Variants in GNG2 observed in about 807,000 individuals in gnomAD.
The protein encoded by GNG2 is G protein subunit gamma 2, also known as guanine nucleotide-binding protein G(I)/G(S)/G(O) subunit gamma-2.
GNG2 carries 5 observed loss-of-function variants against 5.5 expected under a neutral mutation model. The observed-to-expected ratio is 0.91, with a 90% CI of 0.48 to 1.92. The LOEUF (loss-of-function observed/expected upper bound fraction) is 1.92. GNG2 is among the 30% of genes most tolerant of loss of function. GNG2 has a pLI of 0.01. For missense variants in GNG2, 55 were observed against 88.4 expected (o/e 0.62, Z 1.52); for synonymous variants, 28 against 32.0 (o/e 0.88, Z 0.42).
chr14:51,874,486 C>T (rs1883526820), intron 1 of GNG2, among the ~76,000 whole-genome samples: 1 of 149,252 alleles, frequency 6.7e-6, no homozygotes, highest in Admixed American at 6.7e-5. Context: ...AATCTCAGCA[C>T]TTTAGGAGGT....
At chr14:51,922,888 G>A (rs989118146) in intron 2 of GNG2, among the ~76,000 whole-genome samples, 1 of 152,140 alleles carries the variant, frequency 6.6e-6, no homozygotes, top group Non-Finnish European at 1.5e-5. Flanking sequence ...GCTGCAGGGT[G>A]GGGGCAGAGG....
chr14:51,880,858 A>G (rs1481118632), intron 2 of GNG2, among the ~76,000 whole-genome samples: 1 of 151,258 alleles, frequency 6.6e-6, no homozygotes, highest in Non-Finnish European at 1.5e-5. Flanking sequence ...CCAAATAATG[A>G]CCATATCCCA....
intron 3 of GNG2, 89 bp from the exon 4 acceptor site, chr14:51,966,470 T>G: frequency 8.7e-7 from 1 of 1,143,880 alleles, no homozygotes; most frequent in Non-Finnish European, 1.3e-6. Context: ...GGAGCAAGGA[T>G]TTGATGCCAG....
chr14:51,948,848 G>C (rs368560054), intron 2 of GNG2, among the ~76,000 whole-genome samples: 2 of 152,134 alleles, frequency 1.3e-5, no homozygotes, highest in Non-Finnish European at 1.5e-5. Flanking sequence ...ATGGCCGGGC[G>C]TGGTGGCTCA....
chr14:51,936,213 T>C (rs1887994534), intron 2 of GNG2, among the ~76,000 whole-genome samples: 1 of 152,130 alleles, frequency 6.6e-6, no homozygotes, highest in South Asian at 2.1e-4. Flanking sequence ...GGGATTTCTG[T>C]TTTGGATAGA....
intron 1 of GNG2, among the ~76,000 whole-genome samples, chr14:51,861,541 G>A (rs890976580): frequency 6.6e-6 from 1 of 152,094 alleles, no homozygotes; most frequent in African/African-American, 2.4e-5. Context: ...TGTTAGCCTC[G>A]GTGAGGGACA....
At chr14:51,949,494 C>T (rs932481114) in intron 2 of GNG2, among the ~76,000 whole-genome samples, 2 of 152,124 alleles carry the variant, frequency 1.3e-5, no homozygotes, top group African/African-American at 2.4e-5. Context: ...CTTACTTCAT[C>T]CTTTGGTAAA....
At chr14:51,894,352 C>G (rs1256327659) in intron 2 of GNG2, among the ~76,000 whole-genome samples, 2 of 151,428 alleles carry the variant, frequency 1.3e-5, no homozygotes, top group Non-Finnish European at 3.0e-5. Flanking sequence ...AATAGCTTCT[C>G]TTTTCTTAAT....
At chr14:51,908,816 G>A (rs896185239) in intron 2 of GNG2, among the ~76,000 whole-genome samples, 1 of 143,050 alleles carries the variant, frequency 7.0e-6, no homozygotes, top group Non-Finnish European at 1.5e-5. Flanking sequence ...CTGACCCAGT[G>A]GTCTATCCAT....
At chr14:51,959,833 T>C (rs1318676483) in intron 3 of GNG2, among the ~76,000 whole-genome samples, 2 of 152,138 alleles carry the variant, frequency 1.3e-5, no homozygotes, top group Admixed American at 6.6e-5. Context: ...CTGATCTACT[T>C]TTTTATTTTC....
At chr14:51,966,529 A>G in intron 3 of GNG2, 30 bp from the exon 4 acceptor site, 1 of 1,607,558 alleles carries the variant, frequency 6.2e-7, no homozygotes. Context: ...ACCAGACTCC[A>G]GTGTTGGTTG....
intron 2 of GNG2, among the ~76,000 whole-genome samples, chr14:51,941,795 G>T (rs1266108154): frequency 6.6e-6 from 1 of 152,146 alleles, no homozygotes; most frequent in Non-Finnish European, 1.5e-5. Context: ...CTCCTCTAAT[G>T]GTTATTGTTC....
At chr14:51,865,925 C>A (rs1444645912) in intron 1 of GNG2, among the ~76,000 whole-genome samples, 1 of 141,376 alleles carries the variant, frequency 7.1e-6, no homozygotes, top group East Asian at 2.1e-4. Context: ...TTCAGACAAT[C>A]TCTAGAGGAC....
At chr14:51,858,233 C>T (rs185045087), upstream of GNG2, among the ~76,000 whole-genome samples, 26 of 152,298 alleles carry the variant, frequency 1.7e-4, no homozygotes, top group African/African-American at 5.3e-4. Context: ...GCTATACCCC[C>T]ACACTTTACT....
chr14:51,862,073 C>T (rs947425376), intron 1 of GNG2, among the ~76,000 whole-genome samples: 7 of 152,128 alleles, frequency 4.6e-5, no homozygotes, highest in Non-Finnish European at 1.0e-4. Context: ...CCTTTATCAT[C>T]GTTCTCACTT....
intron 2 of GNG2, among the ~76,000 whole-genome samples, chr14:51,931,606 G>T (rs928515748): frequency 6.6e-6 from 1 of 152,104 alleles, no homozygotes; most frequent in African/African-American, 2.4e-5. Flanking sequence ...TGAGACCTGG[G>T]GATCAGGGAG....
intron 2 of GNG2, among the ~76,000 whole-genome samples, chr14:51,918,768 A>G (rs1006293031): frequency 1.3e-5 from 2 of 152,194 alleles, no homozygotes; most frequent in African/African-American, 4.8e-5. Flanking sequence ...ACAAGGTGTT[A>G]CTGTTTTTGG....
chr14:51,837,837 C>T (rs1016673903), intron 2 of GNG2, among the ~76,000 whole-genome samples: 6 of 151,998 alleles, frequency 3.9e-5, no homozygotes, highest in Non-Finnish European at 1.5e-5. Context: ...GTCCAGAGGG[C>T]AATAATAGTG....
At chr14:51,966,077 G>A (rs1224623716) in intron 3 of GNG2, among the ~76,000 whole-genome samples, 1 of 151,848 alleles carries the variant, frequency 6.6e-6, no homozygotes, top group South Asian at 2.1e-4. Context: ...AGGCACCATG[G>A]CACACACCTG....
Sources: allele counts gnomAD v4.1 joint callset (sites outside exome capture counted in the v4.1 genomes callset), GRCh38; gene constraint gnomAD v4.1.1; transcripts MANE v1.5; gene names NCBI Gene and HGNC (gene_info 2026-07-23, HGNC 2026-07-21).